PLEKHA2: variants seen among roughly 807,000 people sequenced by gnomAD.
The protein encoded by PLEKHA2 is pleckstrin homology domain containing A2.
PLEKHA2 carries 28 observed loss-of-function variants against 53.2 expected under a neutral mutation model. That is an observed-to-expected ratio of 0.53 (90% confidence interval 0.39 to 0.72). The LOEUF (loss-of-function observed/expected upper bound fraction) is 0.72. PLEKHA2 is among the 30% of genes least tolerant of loss of function. The probability of loss-of-function intolerance (pLI) is 0.00; values close to 1 mark genes in which losing one functional copy is unlikely to be tolerated. For synonymous variants in PLEKHA2, 193 were observed against 196.4 expected (o/e 0.98, Z 0.14); for missense variants, 426 against 537.9 (o/e 0.79, Z 2.06).
chr8:38,925,437 C>T (rs995215298), intron 2 of PLEKHA2, among the ~76,000 whole-genome samples: 3 of 152,174 alleles, frequency 2.0e-5, no homozygotes, highest in African/African-American at 7.2e-5. Context: ...TAAACAGAAG[C>T]GTGAAACACA....
chr8:38,903,843 G>C lies in PLEKHA2; in HGVS notation c.-24+2398G>C, dbSNP rs895503181. 5.3e-5 allele frequency among the ~76,000 whole-genome samples: 8 copies of C among 152,174 alleles called. 1 individual carries two copies. Among genetic ancestry groups the C allele is most frequent in the Middle Eastern group, 6.3e-3 (2 of 316 alleles). ...TCCGGTTGTGATAGACCTAGGGCTT[G>C]GAAAAGAGGATCTGGGTGCTGGGAC... is the stretch of plus-strand genomic sequence containing the variant. On this transcript the variant is annotated intron_variant, in intron 1 of 11. Transcript: ENST00000617275.
intron 1 of PLEKHA2, among the ~76,000 whole-genome samples, chr8:38,912,077 GT>G (rs2152365026): frequency 6.6e-6 from 1 of 152,334 alleles, no homozygotes; most frequent in East Asian, 1.9e-4. Flanking sequence ...GAGGCTGGTG[GT>G]TCACCTGAGG....
chr8:38,952,542 A>G, intron 7 of PLEKHA2, 94 bp from the exon 8 acceptor site: 1 of 1,427,878 alleles, frequency 7.0e-7, no homozygotes, highest in Non-Finnish European at 9.6e-7. Flanking sequence ...CCGGACTTCC[A>G]TGGGGCTGGG....
intron 1 of PLEKHA2, among the ~76,000 whole-genome samples, chr8:38,917,449 G>C (rs1834080389): frequency 6.6e-6 from 1 of 152,208 alleles, no homozygotes. Flanking sequence ...GTTTTGTGCA[G>C]AGCAACGATA....
intron 10 of PLEKHA2, among the ~76,000 whole-genome samples, chr8:38,966,183 C>T (rs1214680086): frequency 6.6e-6 from 1 of 152,020 alleles, no homozygotes; most frequent in Non-Finnish European, 1.5e-5. Flanking sequence ...CTTGTAGGTG[C>T]ACACATCTAA....
intron 1 of PLEKHA2, among the ~76,000 whole-genome samples, chr8:38,914,679 C>G (rs1834005463): frequency 6.6e-6 from 1 of 152,212 alleles, no homozygotes; most frequent in Non-Finnish European, 1.5e-5. Context: ...TTGTGGGACC[C>G]TTGTCCCACG....
chr8:38,969,710 A>G lies in PLEKHA2; in HGVS notation c.1205A>G (p.Glu402Gly). 4 of 1,534,464 alleles carry G rather than the reference A, an allele frequency of 2.6e-6. No homozygotes were observed. The highest frequency in any genetic ancestry group is 3.5e-6 in the Non-Finnish European group (4 of 1,137,102). Residue 402 changes from glutamate (E) to glycine (G), a missense_variant, in exon 12 of 12, where the codon GAG becomes GGG. Glu to Gly is a moderately conservative substitution (Grantham distance 98). Transcript: ENST00000617275. ...LPSSRIRHRS[E>G]PQHPKEKPFM... ...AGCTCCCGGATAAGGCACAGATCGG[A>G]GCCCCAGCACCCCAAGGAGAAGCCG...
chr8:38,932,801 A>C (rs925857113), intron 2 of PLEKHA2, among the ~76,000 whole-genome samples: 4 of 152,030 alleles, frequency 2.6e-5, no homozygotes, highest in Non-Finnish European at 5.9e-5. Flanking sequence ...GGTGGGAGGG[A>C]GGAAGGCAGC....
chr8:38,929,823 G>A (rs1330260070), intron 2 of PLEKHA2, among the ~76,000 whole-genome samples: 1 of 152,236 alleles, frequency 6.6e-6, no homozygotes, highest in African/African-American at 2.4e-5. Context: ...CATGTGTAGT[G>A]AATGAAGAGG....
At chr8:38,926,756 C>T (rs540292749) in intron 2 of PLEKHA2, among the ~76,000 whole-genome samples, 4 of 152,320 alleles carry the variant, frequency 2.6e-5, no homozygotes, top group African/African-American at 9.6e-5. Flanking sequence ...ATGGCGAAAC[C>T]CTGTCTCTAC....
chr8:38,958,959 C>T (rs1409721123), intron 10 of PLEKHA2, among the ~76,000 whole-genome samples: 1 of 151,952 alleles, frequency 6.6e-6, no homozygotes, highest in Non-Finnish European at 1.5e-5. Flanking sequence ...GAAACGATTC[C>T]GTATGACACT....
rs151018007 is a variant in PLEKHA2 at position 38,956,696 on chromosome 8, A to T, written c.774-627A>T. Reference sequence around the variant, plus strand: ...GTGCCTGTAGCCCCAGTGAGCCATGATTGTACCACTGTACCCCAGCCTGGG... The same window carrying T: ...GTGCCTGTAGCCCCAGTGAGCCATGTTTGTACCACTGTACCCCAGCCTGGG... On this transcript the variant is annotated intron_variant, in intron 9 of 11. Coordinates refer to ENST00000617275, the MANE Select transcript of PLEKHA2 (RefSeq NM_021623.2). 9.2e-5 allele frequency among the ~76,000 whole-genome samples: 14 copies of T among 152,234 alleles called. No homozygotes were observed. In the East Asian group the frequency reaches 2.7e-3, roughly 29 times the overall value.
chr8:38,930,110 C>G (rs1834362574), intron 2 of PLEKHA2, among the ~76,000 whole-genome samples: 1 of 152,192 alleles, frequency 6.6e-6, no homozygotes, highest in Admixed American at 6.5e-5. Flanking sequence ...GAGCTGGCTC[C>G]TTCAAGGACC....
intron 5 of PLEKHA2, among the ~76,000 whole-genome samples, chr8:38,948,229 G>A (rs1427252318): frequency 3.9e-5 from 6 of 152,018 alleles, no homozygotes; most frequent in East Asian, 1.9e-4. Flanking sequence ...CCCTAAAAAT[G>A]TGGTTACATA....
intron 10 of PLEKHA2, among the ~76,000 whole-genome samples, chr8:38,963,905 A>G (rs1835085589): frequency 3.9e-5 from 6 of 152,262 alleles, no homozygotes; most frequent in Admixed American, 3.9e-4. Flanking sequence ...AAATATAACT[A>G]GTAAACAATT....
chr8:38,961,812 A>T (rs1317402578), intron 10 of PLEKHA2, among the ~76,000 whole-genome samples: 1 of 139,948 alleles, frequency 7.1e-6, no homozygotes, highest in Non-Finnish European at 1.6e-5. Flanking sequence ...CTAACCACTT[A>T]GATCTTGGTC....
At chr8:38,917,781 C>T (rs1834086744) in intron 1 of PLEKHA2, 126 bp from the exon 2 acceptor site, 1 of 1,084,430 alleles carries the variant, frequency 9.2e-7, no homozygotes, top group Admixed American at 2.8e-5. Context: ...TGGGATGGAA[C>T]ATTTGGTGCC....
At position 38,961,886 on chromosome 8, in the gene PLEKHA2, G is replaced by A. The variant is rs551670427; in HGVS notation, c.837+4500G>A. On this transcript the variant is annotated intron_variant, in intron 10 of 11. Coordinates refer to ENST00000617275, the MANE Select transcript of PLEKHA2 (RefSeq NM_021623.2). ...TTTGTACCCTGTGATTTCTCACACT[G>A]TAGTAGTCTTTTCTGTTAAGAAAAG... Among the ~76,000 whole-genome samples, 2 of 152,310 alleles carry A rather than the reference G, an allele frequency of 1.3e-5. 1 individual carries two copies. The highest frequency in any genetic ancestry group is 4.1e-4 in the South Asian group (2 of 4,832).
chr8:38,902,930 A>AAT (rs1833814572), intron 1 of PLEKHA2, among the ~76,000 whole-genome samples: 1 of 152,232 alleles, frequency 6.6e-6, no homozygotes, highest in South Asian at 2.1e-4. Flanking sequence ...CTCAGACATT[A>AAT]GCCCTCTTCA....
Sources: gnomAD v4.1 joint callset for allele counts (sites outside exome capture counted in the v4.1 genomes callset) on GRCh38, gnomAD v4.1.1 for gene constraint, MANE v1.5 for transcripts, NCBI Gene and HGNC (gene_info 2026-07-23, HGNC 2026-07-21) for gene names.